ZNF716: variants seen among roughly 807,000 people sequenced by gnomAD.
ZNF716 encodes the protein zinc finger protein 716.
ZNF716 carries 9 observed loss-of-function variants against 13.4 expected under a neutral mutation model. The observed-to-expected ratio is 0.67, with a 90% CI of 0.41 to 1.18. ZNF716 has a LOEUF of 1.18. Among genes scored for constraint, ZNF716 ranks in the 50% most tolerant of loss-of-function variants. The pLI is 0.01. For synonymous variants in ZNF716, 186 were observed against 195.2 expected, an observed-to-expected ratio of 0.95 and a Z score of 0.39; for missense variants, 581 against 576.6, an observed-to-expected ratio of 1.01 and a Z score of -0.08.
Position 57,469,428 on chromosome 7 carries a change from C to T in ZNF716, c.967C>T (p.Pro323Ser). ...CAAGAGAATTCATACTGGAGAGAGA[C>T]CCTACAAATGTGAAGAATGTGGCAA... ...NHKRIHTGER[P>S]YKCEECGKAF... The change falls in exon 4 of 4, where the codon CCC becomes TCC. Residue 323 changes from proline (P) to serine (S), a missense_variant. Transcript: ENST00000420713. The T allele has an allele frequency of 1.2e-6, 2 of 1,613,738 alleles. No homozygotes were observed. The highest frequency in any genetic ancestry group is 1.7e-6 in the Non-Finnish European group (2 of 1,179,918).
At chr7:57,463,013 T>C in intron 2 of ZNF716, 60 bp from the exon 3 acceptor site, 1 of 1,589,344 alleles carries the variant, frequency 6.3e-7, no homozygotes, top group Admixed American at 1.8e-5. Flanking sequence ...GCATAATACT[T>C]GTTTGGTAAT....
chr7:57,470,159 G>C lies in ZNF716; in HGVS notation c.*210G>C. ...CCCTCAAACCTTAATGAACCCAAGA[G>C]AATTTATTTAAAAAAATTTTTTTGA... is the stretch of plus-strand genomic sequence containing the variant. On this transcript the variant is annotated 3_prime_UTR_variant, in exon 4 of 4. Coordinates refer to ENST00000420713, the MANE Select transcript of ZNF716 (RefSeq NM_001159279.1). 2.1e-6 allele frequency: 1 copy of C among 475,048 alleles called. No individual in the cohort carries two copies. Among genetic ancestry groups the C allele is most frequent in the Non-Finnish European group, 3.4e-6 (1 of 295,898 alleles). The allele number at this position is 475,048 out of a possible 1,614,324, so 29.4% of individuals were successfully genotyped here. A position where few individuals can be genotyped will look rare whatever the true frequency, so the allele number is the denominator to read the frequency against.
At chr7:57,462,299 A>G in intron 1 of ZNF716, 161 bp from the exon 2 acceptor site, 1 of 768,102 alleles carries the variant, frequency 1.3e-6, no homozygotes, top group South Asian at 1.7e-5. Context: ...CATGTTAAAC[A>G]TTATCTTAAT....
At chr7:57,455,577 C>T (rs1789570958) in intron 1 of ZNF716, among the ~76,000 whole-genome samples, 1 of 152,036 alleles carries the variant, frequency 6.6e-6, no homozygotes, top group Non-Finnish European at 1.5e-5. Flanking sequence ...AGTGCAGTGG[C>T]ACAATCTCAG....
At chr7:57,466,700 G>T (rs563573659) in intron 3 of ZNF716, among the ~76,000 whole-genome samples, 6 of 151,754 alleles carry the variant, frequency 4.0e-5, no homozygotes, top group Non-Finnish European at 5.9e-5. Context: ...CCAGTCTCAG[G>T]CAATTTTTTA....
intron 1 of ZNF716, among the ~76,000 whole-genome samples, chr7:57,451,770 CTT>C (rs76825087): frequency 8.1e-5 from 11 of 136,124 alleles, no homozygotes; most frequent in African/African-American, 1.1e-4. Flanking sequence ...CTCTTTCTTT[CTT>C]TTTTTTTTTT....
chr7:57,460,196 A>G (rs1235052058), intron 1 of ZNF716, among the ~76,000 whole-genome samples: 1 of 151,984 alleles, frequency 6.6e-6, no homozygotes, highest in Non-Finnish European at 1.5e-5. Flanking sequence ...GACGAGCCTG[A>G]CCAGCCTGAC....
intron 3 of ZNF716, among the ~76,000 whole-genome samples, chr7:57,468,100 A>G (rs1328779218): frequency 6.6e-6 from 1 of 152,122 alleles, no homozygotes; most frequent in East Asian, 1.9e-4. Flanking sequence ...GAGTCTTTCA[A>G]ACATGTTCTC....
At position 57,469,764 on chromosome 7, in the gene ZNF716, C is replaced by G; in HGVS notation, c.1303C>G (p.Leu435Val). 1.2e-6 allele frequency: 2 copies of G among 1,610,802 alleles called. No individual in the cohort carries two copies. The highest frequency in any genetic ancestry group is 1.1e-5 in the South Asian group (1 of 90,760). The change falls in exon 4 of 4, where the codon CTC becomes GTC. Residue 435 changes from leucine (L) to valine (V), a missense_variant. Physicochemically the swap from Leu to Val is conservative, Grantham distance 32. Transcript: ENST00000420713. ...KHKIIHTGEKLYKCKECGKAF... is the reference protein window; with the variant it reads ...KHKIIHTGEKVYKCKECGKAF... The stretch of plus-strand genomic sequence containing the variant: ...TAAGATAATTCATACTGGAGAGAAA[C>G]TCTACAAATGTAAAGAATGTGGGAA...
intron 1 of ZNF716, among the ~76,000 whole-genome samples, chr7:57,458,741 T>A (rs1287231005): frequency 6.6e-6 from 1 of 152,186 alleles, no homozygotes; most frequent in Non-Finnish European, 1.5e-5. Flanking sequence ...TTTATAGTTA[T>A]TTATAAATAG....
intron 3 of ZNF716, among the ~76,000 whole-genome samples, chr7:57,464,645 A>G (rs1252092147): frequency 6.6e-6 from 1 of 152,122 alleles, no homozygotes; most frequent in African/African-American, 2.4e-5. Flanking sequence ...TTGATGGCAT[A>G]TCTAAGAAAA....
At chr7:57,450,652 T>G (rs1305358900) in intron 1 of ZNF716, among the ~76,000 whole-genome samples, 1 of 152,094 alleles carries the variant, frequency 6.6e-6, no homozygotes, top group Non-Finnish European at 1.5e-5. Flanking sequence ...AATCCAGACT[T>G]AGGGTGCAGG....
intron 1 of ZNF716, among the ~76,000 whole-genome samples, chr7:57,455,436 A>T (rs1789568127): frequency 6.6e-6 from 1 of 152,240 alleles, no homozygotes; most frequent in Admixed American, 6.5e-5. Flanking sequence ...ATAAGTAAGA[A>T]AATACAAAAC....
At chr7:57,453,937 A>G (rs1167826011) in intron 1 of ZNF716, among the ~76,000 whole-genome samples, 3 of 152,066 alleles carry the variant, frequency 2.0e-5, no homozygotes, top group Non-Finnish European at 4.4e-5. Flanking sequence ...GGTTCAAGTG[A>G]TTCTCCTGAC....
At chr7:57,462,295 A>T in intron 1 of ZNF716, 165 bp from the exon 2 acceptor site, 1 of 748,504 alleles carries the variant, frequency 1.3e-6, no homozygotes, top group Non-Finnish European at 2.2e-6. Context: ...CTTCCATGTT[A>T]AACATTATCT....
At position 57,462,546 on chromosome 7, in the gene ZNF716, A is replaced by G. The variant is rs1789727636; in HGVS notation, c.126A>G (p.Arg42=). The change falls in exon 2 of 4, where the codon AGA becomes AGG. Residue 42 remains arginine (R), a synonymous_variant. Transcript: ENST00000420713. ...CLDHAQQNLY[R]DVMLENYRNL... ...ATCATGCTCAGCAGAATTTATATAG[A>G]GATGTGATGTTAGAGAACTACAGAA... 11 of 1,613,258 alleles carry G rather than the reference A, an allele frequency of 6.8e-6. No individual in the cohort carries two copies. Among genetic ancestry groups the G allele is most frequent in the African/African-American group, 1.3e-5 (1 of 74,880 alleles).
chr7:57,465,677 G>A lies in ZNF716; in HGVS notation c.262+2509G>A, dbSNP rs1789794620. On this transcript the variant is annotated intron_variant, in intron 3 of 3. Coordinates refer to ENST00000420713, the MANE Select transcript of ZNF716 (RefSeq NM_001159279.1). ...TCTTTTGAAATTTACTAAGACTTATGAGTTCTAACAGAATGCACCAGGAGC... is the reference window on the plus strand; with the variant it reads ...TCTTTTGAAATTTACTAAGACTTATAAGTTCTAACAGAATGCACCAGGAGC... Among the ~76,000 whole-genome samples, 3 of 152,090 alleles carry A rather than the reference G, an allele frequency of 2.0e-5. No individual in the cohort carries two copies. The South Asian group carries it at 6.2e-4, about 32-fold the overall frequency.
chr7:57,464,390 G>C (rs1789768125), intron 3 of ZNF716, among the ~76,000 whole-genome samples: 1 of 151,710 alleles, frequency 6.6e-6, no homozygotes, highest in Admixed American at 6.6e-5. Flanking sequence ...CAAAGTTCTG[G>C]GATTAAAAGC....
At chr7:57,466,894 C>T (rs73345996) in intron 3 of ZNF716, among the ~76,000 whole-genome samples, 17,093 of 151,582 alleles carry the variant, frequency 0.11, 1,212 homozygotes, top group African/African-American at 0.19. Flanking sequence ...TATTTTGAAG[C>T]CCTGATATTA....
Sources: gnomAD v4.1 joint callset for allele counts (sites outside exome capture counted in the v4.1 genomes callset) on GRCh38, gnomAD v4.1.1 for gene constraint, MANE v1.5 for transcripts, NCBI Gene and HGNC (gene_info 2026-07-23, HGNC 2026-07-21) for gene names.